CCDC192: variants seen among roughly 807,000 people sequenced by gnomAD.
The protein encoded by CCDC192 is coiled-coil domain containing 192, also known as coiled-coil domain-containing protein 192.
At chr5:127,807,373 A>G (rs1252612285) in intron 5 of CCDC192, among the ~76,000 whole-genome samples, 1 of 152,124 alleles carries the variant, frequency 6.6e-6, no homozygotes, top group East Asian at 1.9e-4. Flanking sequence ...TCAGGTCAGT[A>G]CTTTCTCGGC....
intron 5 of CCDC192, among the ~76,000 whole-genome samples, chr5:127,852,128 G>A (rs567150899): frequency 1.3e-5 from 2 of 152,266 alleles, no homozygotes; most frequent in Admixed American, 6.5e-5. Context: ...ACCCCAGAGA[G>A]CAAACACTAC....
At chr5:127,709,118 A>AGGGAGAGGGAGAGG (rs10694735) in intron 2 of CCDC192, among the ~76,000 whole-genome samples, 1 of 125,882 alleles carries the variant, frequency 7.9e-6, no homozygotes, top group Non-Finnish European at 1.6e-5. Context: ...AGAGAGAGAG[A>AGGGAGAGGGAGAGG]GAGAGGGAGA....
chr5:127,889,975 T>C (rs1752686484), intron 6 of CCDC192, among the ~76,000 whole-genome samples: 1 of 152,158 alleles, frequency 6.6e-6, no homozygotes, highest in Non-Finnish European at 1.5e-5. Context: ...GGATGTTTGC[T>C]TCCATCTGTT....
chr5:127,786,076 A>G (rs1245674565), intron 3 of CCDC192: 48 of 741,816 alleles, frequency 6.5e-5, no homozygotes, highest in Non-Finnish European at 1.7e-5. Flanking sequence ...TCTAGATACA[A>G]GATTATACAT....
chr5:127,754,530 C>A (rs1215397860), intron 3 of CCDC192, among the ~76,000 whole-genome samples, 155 bp downstream of exon 3: 2 of 151,466 alleles, frequency 1.3e-5, no homozygotes, highest in Admixed American at 6.6e-5. Context: ...TATGCCCCCC[C>A]ACCCCACACA....
chr5:127,877,162 C>G (rs961163449), intron 6 of CCDC192, among the ~76,000 whole-genome samples: 5 of 152,120 alleles, frequency 3.3e-5, no homozygotes, highest in African/African-American at 1.2e-4. Context: ...TATATAATCG[C>G]AAGGTCTCTA....
intron 5 of CCDC192, among the ~76,000 whole-genome samples, chr5:127,823,530 C>T (rs1034558548): frequency 6.6e-6 from 1 of 152,312 alleles, no homozygotes; most frequent in Admixed American, 6.5e-5. Context: ...CCTTTCTCCA[C>T]CTATGAATTA....
At chr5:127,830,569 C>G (rs1418803514) in intron 5 of CCDC192, among the ~76,000 whole-genome samples, 1 of 151,890 alleles carries the variant, frequency 6.6e-6, no homozygotes, top group East Asian at 1.9e-4. Flanking sequence ...GGGTTAGGGC[C>G]CACTCTAAAG....
At chr5:127,745,470 TAGTC>T (rs1230766210) in intron 2 of CCDC192, among the ~76,000 whole-genome samples, 16 of 152,318 alleles carry the variant, frequency 1.1e-4, no homozygotes, top group South Asian at 6.2e-4. Context: ...TGCATAATAA[TAGTC>T]AGGTGTCTTT....
chr5:127,791,930 G>T (rs565134242), intron 3 of CCDC192, among the ~76,000 whole-genome samples: 3 of 152,194 alleles, frequency 2.0e-5, no homozygotes, highest in Non-Finnish European at 4.4e-5. Flanking sequence ...AGAGGTGAAA[G>T]AAACCATGTG....
At chr5:127,935,099 CATGAGTG>C (rs554729703) in intron 6 of CCDC192, 29 of 152,276 alleles carry the variant, frequency 1.9e-4, no homozygotes, top group Non-Finnish European at 3.7e-4. Flanking sequence ...AGTAAACCTT[CATGAGTG>C]AGTACCCAGC....
chr5:127,820,755 ATCT>A (rs1359833471), intron 5 of CCDC192, among the ~76,000 whole-genome samples: 3 of 151,984 alleles, frequency 2.0e-5, no homozygotes, highest in Non-Finnish European at 2.9e-5. Context: ...CAAAAATGTG[ATCT>A]TCTCTATGTA....
intron 3 of CCDC192, among the ~76,000 whole-genome samples, chr5:127,794,173 A>G (rs1757035791): frequency 6.6e-6 from 1 of 152,182 alleles, no homozygotes. Context: ...TGCTACAGGA[A>G]AGCCAGGCTC....
At chr5:127,737,575 G>A (rs1332853500) in intron 2 of CCDC192, among the ~76,000 whole-genome samples, 3 of 151,548 alleles carry the variant, frequency 2.0e-5, no homozygotes, top group Non-Finnish European at 2.9e-5. Context: ...AAGTCTCTTT[G>A]TAGGTCACTC....
chr5:127,725,075 T>C (rs1330321194), intron 2 of CCDC192, among the ~76,000 whole-genome samples: 3 of 152,192 alleles, frequency 2.0e-5, no homozygotes, highest in African/African-American at 7.2e-5. Context: ...AAACTCTTTA[T>C]ATCAAATAAA....
chr5:127,934,728 G>T (rs758318634), intron 6 of CCDC192, among the ~76,000 whole-genome samples: 1 of 152,190 alleles, frequency 6.6e-6, no homozygotes, highest in Non-Finnish European at 1.5e-5. Context: ...CTAGAGGATA[G>T]AAAACCTAAA....
intron 6 of CCDC192, among the ~76,000 whole-genome samples, chr5:127,924,198 A>G (rs967839920): frequency 2.0e-5 from 3 of 152,260 alleles, no homozygotes; most frequent in African/African-American, 7.2e-5. Flanking sequence ...ACACTTTATC[A>G]TTTGATGGTT....
At chr5:127,778,125 A>G (rs1696882930) in intron 3 of CCDC192, among the ~76,000 whole-genome samples, 1 of 152,132 alleles carries the variant, frequency 6.6e-6, no homozygotes, top group Admixed American at 6.5e-5. Context: ...TGTTCATATC[A>G]TAGCTCTAGC....
chr5:127,832,698 A>G (rs1347344836), intron 5 of CCDC192, among the ~76,000 whole-genome samples: 1 of 152,174 alleles, frequency 6.6e-6, no homozygotes, highest in Non-Finnish European at 1.5e-5. Flanking sequence ...GCATACATGT[A>G]TATTTAATAT....
Sources: gnomAD v4.1 joint callset for allele counts (sites outside exome capture counted in the v4.1 genomes callset) on GRCh38, gnomAD v4.1.1 for gene constraint, MANE v1.5 for transcripts, NCBI Gene and HGNC (gene_info 2026-07-23, HGNC 2026-07-21) for gene names.